Variants in MTMR4 observed in about 807,000 individuals in gnomAD.
MTMR4 encodes the protein myotubularin related protein 4, also known as phosphatidylinositol-3,5-bisphosphate 3-phosphatase MTMR4.
In MTMR4, 30 loss-of-function variants were observed where a neutral mutation model predicts 125.5. The ratio of observed to expected loss-of-function variants is 0.24; its 90% confidence interval spans 0.18 to 0.32. The LOEUF (loss-of-function observed/expected upper bound fraction) is 0.32. Ranked by LOEUF, MTMR4 falls within the 10% of genes least tolerant of loss-of-function variation. The pLI is 1.00. For missense variants in MTMR4, 1,039 were observed against 1,511.5 expected, an observed-to-expected ratio of 0.69 and a Z score of 5.18; for synonymous variants, 498 against 564.5, an observed-to-expected ratio of 0.88 and a Z score of 1.67.
chr17:58,506,026 G>A (rs1045699421), intron 9 of MTMR4, among the ~76,000 whole-genome samples: 28 of 152,212 alleles, frequency 1.8e-4, no homozygotes, highest in Admixed American at 1.6e-3. Flanking sequence ...ACTAAATACA[G>A]TCTTGAAATC....
intron 4 of MTMR4, among the ~76,000 whole-genome samples, chr17:58,510,097 C>T (rs893369001): frequency 3.9e-5 from 6 of 152,144 alleles, no homozygotes; most frequent in Non-Finnish European, 8.8e-5. Context: ...GCTCTTGCCC[C>T]CATTCTCTTT....
chr17:58,491,518 G>A lies in MTMR4; in HGVS notation c.*145C>T. The A allele has an allele frequency of 1.2e-6, 1 of 840,234 alleles. No individual in the cohort carries two copies. The allele number at this position is 840,234 out of a possible 1,614,324, so 52.0% of individuals were successfully genotyped here. A position where few individuals can be genotyped will look rare whatever the true frequency, so the allele number is the denominator to read the frequency against. ...GCTAAATTGCAATTCCTCTGCTCCA[G>A]TTTCATGATACCAAGGAGGATTTCT... On this transcript the variant is annotated 3_prime_UTR_variant, in exon 18 of 18. Coordinates refer to ENST00000682306, the MANE Select transcript of MTMR4 (RefSeq NM_001378067.1).
At chr17:58,517,728 AG>A (rs1308391703), upstream of MTMR4, 1 of 152,610 alleles carries the variant, frequency 6.6e-6, no homozygotes, top group Non-Finnish European at 1.5e-5. Context: ...GGCGGGACTC[AG>A]GAAAGCCGGT....
chr17:58,498,393 G>A (rs1412839610), intron 14 of MTMR4, among the ~76,000 whole-genome samples: 1 of 151,622 alleles, frequency 6.6e-6, no homozygotes, highest in Non-Finnish European at 1.5e-5. Flanking sequence ...TTACAACAAG[G>A]AGAGAGAGCT....
At chr17:58,491,908 C>A in intron 17 of MTMR4, 68 bp from the exon 18 acceptor site, 1 of 1,473,502 alleles carries the variant, frequency 6.8e-7, no homozygotes, top group East Asian at 2.3e-5. Context: ...GGGTGACTCA[C>A]ACCAGTAATC....
intron 13 of MTMR4, 76 bp from the exon 14 acceptor site, chr17:58,503,974 C>A: frequency 6.4e-7 from 1 of 1,552,866 alleles, no homozygotes. Flanking sequence ...CTTGACTCTA[C>A]ATTTTCCCTA....
At chr17:58,513,324 G>A (rs1975986390) in intron 1 of MTMR4, among the ~76,000 whole-genome samples, 1 of 152,208 alleles carries the variant, frequency 6.6e-6, no homozygotes, top group South Asian at 2.1e-4. Context: ...CTGAGGAAAA[G>A]GAGCCAGGTA....
chr17:58,511,188 A>G (rs1016392223), intron 4 of MTMR4: 17 of 404,278 alleles, frequency 4.2e-5, no homozygotes, highest in Non-Finnish European at 7.5e-5. Flanking sequence ...ATACACATAC[A>G]CATTATCTCA....
chr17:58,493,283 T>C (rs1218579514), intron 15 of MTMR4, among the ~76,000 whole-genome samples: 3 of 152,290 alleles, frequency 2.0e-5, no homozygotes, highest in African/African-American at 7.2e-5. Flanking sequence ...ACTAGCCCAC[T>C]GCCTGTTTTT....
At chr17:58,518,945 G>A (rs1366432315), upstream of MTMR4, among the ~76,000 whole-genome samples, 1 of 152,186 alleles carries the variant, frequency 6.6e-6, no homozygotes, top group Non-Finnish European at 1.5e-5. Context: ...TAAGTTCCAG[G>A]AAGACAGGAA....
Position 58,495,886 on chromosome 17 carries a change from A to AGGT in MTMR4, c.2295_2297dup (p.Pro766dup), listed in dbSNP as rs1432894783. On this transcript the variant is annotated inframe_insertion, in exon 15 of 18. Transcript: ENST00000682306. ...CAGCTTCTGTTTCAGGACAATGTTC[A>AGGT]GGTGGCTCCCCTATGCCATCTAAAG... The AGGT allele has an allele frequency of 1.9e-6, 3 of 1,614,074 alleles. No homozygotes were observed. In the Admixed American group the frequency reaches 5.0e-5, roughly 27 times the overall value.
chr17:58,517,487 T>A (rs1354065525), upstream of MTMR4, among the ~76,000 whole-genome samples: 1 of 152,214 alleles, frequency 6.6e-6, no homozygotes, highest in South Asian at 2.1e-4. Context: ...TTCTCCCTCA[T>A]GGGGGAACCG....
At chr17:58,515,331 C>CAGG (rs1976059646), upstream of MTMR4, among the ~76,000 whole-genome samples, 1 of 152,102 alleles carries the variant, frequency 6.6e-6, no homozygotes, top group Admixed American at 6.6e-5. Context: ...GAATAAGGAC[C>CAGG]AGGAATAAGG....
rs1975823557 is a variant in MTMR4, at chr17:58,508,020, T to C, written c.707+141A>G. Reference sequence around the variant, plus strand: ...TTATTCTTAGGAGAAAAAACTAAGATAGTTTTTGTTTTAAAGTTATTTCAT... The same window carrying C: ...TTATTCTTAGGAGAAAAAACTAAGACAGTTTTTGTTTTAAAGTTATTTCAT... On this transcript the variant is annotated intron_variant, in intron 7 of 17. Transcript: ENST00000682306. This position sits in a 1 kb window ranked among gnomAD's most constrained non-coding sequence, Gnocchi z 4.8. 1 of 608,210 alleles carries C rather than the reference T, an allele frequency of 1.6e-6. No individual in the cohort carries two copies. Among genetic ancestry groups the C allele is most frequent in the Non-Finnish European group, 2.9e-6 (1 of 347,294 alleles). The allele number at this position is 608,210 out of a possible 1,614,324, so 37.7% of individuals were successfully genotyped here.
intron 7 of MTMR4, chr17:58,507,943 AC>A: frequency 2.1e-6 from 1 of 476,874 alleles, no homozygotes; most frequent in African/African-American, 2.0e-5. Context: ...ACACACACAC[AC>A]ACACACACAC....
rs775955438 is a variant in MTMR4, at chr17:58,496,305, C to T, written c.1879G>A (p.Asp627Asn). 3 of 1,611,180 alleles carry T rather than the reference C, an allele frequency of 1.9e-6. No homozygotes were observed. Among genetic ancestry groups the T allele is most frequent in the Admixed American group, 1.7e-5 (1 of 59,434 alleles). ...CTTGTGTCACAGGCAGAAAGAAGAT[C>T]ATCCATGGATCTGGTTTTAGGTAAT... ...DRLPKTRSMD[D>N]LLSACDTSSP... is the part of the protein sequence containing the mutation. Residue 627 changes from aspartate (D) to asparagine (N), a missense_variant, in exon 15 of 18, where the codon GAT becomes AAT. This residue lies in a region of MTMR4 where 619 missense variants were observed against 714.5 expected (regional missense o/e 0.87). Transcript: ENST00000682306.
chr17:58,516,360 C>T (rs1294233895), upstream of MTMR4, among the ~76,000 whole-genome samples: 1 of 152,160 alleles, frequency 6.6e-6, no homozygotes, highest in Non-Finnish European at 1.5e-5. Context: ...CTAGCACATG[C>T]AGAAAATGAT....
At position 58,491,740 on chromosome 17, in the gene MTMR4, C is replaced by T. The variant is rs773192593; in HGVS notation, c.3553G>A (p.Glu1185Lys). Residue 1185 changes from glutamate (E) to lysine (K), a missense_variant, in exon 18 of 18, where the codon GAA (glutamate) becomes AAA (lysine). Around this residue, in one of 6 missense-constraint regions of MTMR4, gnomAD observed 60 missense variants for 129.6 expected, o/e 0.46. Transcript: ENST00000682306. ...CTGGCACGAGAGACTTGAATGTGTT[C>T]GTAACATGAGTTACAGACGAGAACT... ...DPVLVCNSCY[E>K]HIQVSRAREL... 2.5e-6 allele frequency: 4 copies of T among 1,614,072 alleles called. No homozygotes were observed. The highest frequency in any genetic ancestry group is 1.7e-5 in the Admixed American group (1 of 60,026).
At position 58,490,307 on chromosome 17, in the gene MTMR4, T is replaced by A. The variant is rs1163719675; in HGVS notation, c.*1356A>T. 2 of 152,650 alleles carry A rather than the reference T, an allele frequency of 1.3e-5. No individual in the cohort carries two copies. Among genetic ancestry groups the A allele is most frequent in the Non-Finnish European group, 2.9e-5 (2 of 68,040 alleles). The allele number at this position is 152,650 out of a possible 1,614,324, so 9.5% of individuals were successfully genotyped here. A position where few individuals can be genotyped will look rare whatever the true frequency, so the allele number is the denominator to read the frequency against. On this transcript the variant is annotated 3_prime_UTR_variant, in exon 18 of 18. Transcript: ENST00000682306. ...AAAACTGTATAAAGTCCTAGTGGTTTCATTATAGGCCAAGGAGACTGTATC... is the reference window on the plus strand; with the variant it reads ...AAAACTGTATAAAGTCCTAGTGGTTACATTATAGGCCAAGGAGACTGTATC...
Sources: gnomAD v4.1 joint callset for allele counts (sites outside exome capture counted in the v4.1 genomes callset) on GRCh38, gnomAD v4.1.1 for gene constraint, gnomAD v4.1.1 regional missense constraint, Gnocchi (gnomAD v3.1) non-coding constraint, MANE v1.5 for transcripts, NCBI Gene and HGNC (gene_info 2026-07-23, HGNC 2026-07-21) for gene names.